The following RBMS3 variants were observed in gnomAD, a reference collection of about 807,000 sequenced individuals.
RBMS3 encodes the protein RNA binding motif single stranded interacting protein 3.
RBMS3 carries 27 observed loss-of-function variants against 66.8 expected under a neutral mutation model. The ratio of observed to expected loss-of-function variants is 0.40; its 90% CI spans 0.30 to 0.56. The LOEUF is 0.56. Ranked by LOEUF, RBMS3 falls within the 20% of genes least tolerant of loss-of-function variation. The probability of loss-of-function intolerance (pLI) is 0.40; values close to 1 mark genes in which losing one functional copy is unlikely to be tolerated. For synonymous variants in RBMS3, 188 were observed against 183.0 expected, an observed-to-expected ratio of 1.03 and a Z score of -0.22; for missense variants, 513 against 549.5, an observed-to-expected ratio of 0.93 and a Z score of 0.66.
At chr3:29,934,983 GA>G (rs1205304429) in intron 10 of RBMS3, among the ~76,000 whole-genome samples, 1 of 152,076 alleles carries the variant, frequency 6.6e-6, no homozygotes, top group Non-Finnish European at 1.5e-5. Flanking sequence ...TGTCCAGTGA[GA>G]AAAATAATGT....
chr3:29,419,994 T>C (rs2040635904), intron 1 of RBMS3, among the ~76,000 whole-genome samples: 1 of 152,224 alleles, frequency 6.6e-6, no homozygotes, highest in African/African-American at 2.4e-5. Flanking sequence ...GTCTCTGTTT[T>C]CATTCTGCTT....
intron 3 of RBMS3, among the ~76,000 whole-genome samples, chr3:29,585,173 G>A (rs557390083): frequency 1.5e-4 from 23 of 152,246 alleles, no homozygotes; most frequent in South Asian, 4.1e-4. Flanking sequence ...TAAATAAGCC[G>A]ATGAACGGAT....
chr3:29,377,338 G>C (rs1222703112), intron 1 of RBMS3, among the ~76,000 whole-genome samples: 1 of 152,146 alleles, frequency 6.6e-6, no homozygotes, highest in African/African-American at 2.4e-5. Context: ...TGATTTAACT[G>C]GTCTCGGGTG....
intron 12 of RBMS3, among the ~76,000 whole-genome samples, chr3:29,966,322 A>G (rs1696845531): frequency 6.6e-6 from 1 of 152,168 alleles, no homozygotes; most frequent in South Asian, 2.1e-4. Context: ...CATTTTCACA[A>G]TATTGATTCT....
At chr3:29,714,860 A>G (rs1310658637) in intron 4 of RBMS3, among the ~76,000 whole-genome samples, 2 of 152,166 alleles carry the variant, frequency 1.3e-5, no homozygotes, top group African/African-American at 4.8e-5. Flanking sequence ...TGAATATGAC[A>G]GCAGTTAGCA....
intron 6 of RBMS3, among the ~76,000 whole-genome samples, chr3:29,821,213 T>C (rs1373094441): frequency 6.6e-6 from 1 of 152,222 alleles, no homozygotes; most frequent in Non-Finnish European, 1.5e-5. Flanking sequence ...ATTTTTCTTT[T>C]ATTTATCTAA....
At position 30,003,923 on chromosome 3, in the gene RBMS3, G is replaced by A; in HGVS notation, c.*61G>A. On this transcript the variant is annotated 3_prime_UTR_variant, in exon 15 of 15. Coordinates refer to ENST00000383767, the MANE Select transcript of RBMS3 (RefSeq NM_001003793.3). ...TGAATGAAGAAACTTCATTGAACAA[G>A]AAGTTGGCTTCCAGTTTGCACAGAC... is the stretch of plus-strand genomic sequence containing the variant. The A allele has an allele frequency of 1.4e-6, 2 of 1,380,962 alleles. No individual in the cohort carries two copies. Among genetic ancestry groups the A allele is most frequent in the Non-Finnish European group, 1.9e-6 (2 of 1,041,478 alleles). 85.5% of individuals were successfully genotyped at this position (1,380,962 alleles called of 1,614,324 possible). A position where few individuals can be genotyped will look rare whatever the true frequency, so the allele number is the denominator to read the frequency against.
At chr3:29,842,317 C>A (rs2058680432) in intron 6 of RBMS3, among the ~76,000 whole-genome samples, 1 of 152,064 alleles carries the variant, frequency 6.6e-6, no homozygotes, top group Non-Finnish European at 1.5e-5. Flanking sequence ...TTAAAGTTTT[C>A]TTTAGAATAC....
intron 3 of RBMS3, among the ~76,000 whole-genome samples, chr3:29,568,391 G>A (rs1328287103): frequency 6.6e-6 from 1 of 152,178 alleles, no homozygotes; most frequent in African/African-American, 2.4e-5. Flanking sequence ...GATTTGTTAT[G>A]TGAAGAAAGG....
chr3:29,961,917 T>G (rs1182277566), intron 12 of RBMS3, among the ~76,000 whole-genome samples: 1 of 150,246 alleles, frequency 6.7e-6, no homozygotes, highest in Non-Finnish European at 1.5e-5. Flanking sequence ...TTGTGTAGAA[T>G]GTTAATTTTT....
chr3:29,928,180 TTATA>T (rs1199975605), intron 10 of RBMS3, among the ~76,000 whole-genome samples: 1,087 of 102,530 alleles, frequency 0.011, 9 homozygotes, highest in South Asian at 0.043. Context: ...TCTTCAAATT[TTATA>T]TATATATATA....
chr3:29,319,803 T>C (rs998112860), intron 1 of RBMS3, among the ~76,000 whole-genome samples: 1 of 152,052 alleles, frequency 6.6e-6, no homozygotes, highest in Non-Finnish European at 1.5e-5. Context: ...TTAAATCTGA[T>C]ACCTAGACTT....
chr3:29,551,546 AGT>A (rs756534028), intron 3 of RBMS3, among the ~76,000 whole-genome samples: 1 of 152,216 alleles, frequency 6.6e-6, no homozygotes, highest in Non-Finnish European at 1.5e-5. Context: ...GAAAATAATC[AGT>A]CTCGATTGTA....
intron 12 of RBMS3, among the ~76,000 whole-genome samples, chr3:29,973,921 C>A (rs62235522): frequency 0.14 from 21,839 of 151,806 alleles, 1,813 homozygotes; most frequent in Admixed American, 0.19. Flanking sequence ...TTTCTCACAT[C>A]CATCTCTAAC....
chr3:29,387,472 C>T (rs553071831), intron 1 of RBMS3, among the ~76,000 whole-genome samples: 1 of 152,280 alleles, frequency 6.6e-6, no homozygotes, highest in Admixed American at 6.5e-5. Flanking sequence ...TTTCACATTT[C>T]CGTCTCTGTA....
chr3:29,414,990 A>G (rs922933499), intron 1 of RBMS3, among the ~76,000 whole-genome samples: 3 of 152,188 alleles, frequency 2.0e-5, no homozygotes, highest in African/African-American at 7.2e-5. Flanking sequence ...TTCTCCCATA[A>G]TAGAATAAAA....
intron 12 of RBMS3, 138 bp downstream of exon 12, chr3:29,944,392 C>A: frequency 4.6e-6 from 3 of 653,088 alleles, no homozygotes; most frequent in Non-Finnish European, 8.2e-6. Flanking sequence ...TGCAAGGGGG[C>A]ATGTGTAGTT....
rs779555263 is a variant in RBMS3 at position 29,497,973 on chromosome 3, ATTTTTTTTTTTTTTTTTTTTTTT to A, written c.307+9489_307+9511del. Among the ~76,000 whole-genome samples the A allele has an allele frequency of 2.1e-4, 9 of 43,436 alleles. No individual in the cohort carries two copies. In the South Asian group the frequency reaches 4.4e-3, roughly 21 times the overall value. 28.5% of individuals were successfully genotyped at this position (43,436 alleles called of 152,430 possible). On this transcript the variant is annotated intron_variant, in intron 3 of 14. Transcript: ENST00000383767. ...TCAGAGTTATTCTCTAAAAGTATTCATTTTTTTTTTTTTTTTTTTTTTTTTTTTTTTTTTTTTGGGAGACAGAG... is the reference window on the plus strand; with the variant it reads ...TCAGAGTTATTCTCTAAAAGTATTCATTTTTTTTTTTTTTGGGAGACAGAG...
intron 3 of RBMS3, among the ~76,000 whole-genome samples, chr3:29,563,126 AG>A (rs1456569021): frequency 1.3e-5 from 2 of 152,208 alleles, no homozygotes; most frequent in Non-Finnish European, 2.9e-5. Context: ...CTAGAATAGC[AG>A]GTCATTGTAA....
Sources: gnomAD v4.1 joint callset for allele counts (sites outside exome capture counted in the v4.1 genomes callset) on GRCh38, gnomAD v4.1.1 for gene constraint, MANE v1.5 for transcripts, NCBI Gene and HGNC (gene_info 2026-07-23, HGNC 2026-07-21) for gene names.